Variants in PTPRT observed in about 807,000 individuals in gnomAD.
PTPRT encodes protein tyrosine phosphatase receptor type T.
In PTPRT, 56 loss-of-function variants were observed where a neutral mutation model predicts 176.8. That is an observed-to-expected ratio of 0.32 (90% CI 0.26 to 0.40). The LOEUF is 0.40. Among genes scored for constraint, PTPRT ranks in the 10% least tolerant of loss-of-function variants. PTPRT has a pLI of 1.00. For synonymous variants in PTPRT, 783 were observed against 739.0 expected, an observed-to-expected ratio of 1.06 and a Z score of -0.96; for missense variants, 1,540 against 1,908.2, an observed-to-expected ratio of 0.81 and a Z score of 3.60.
rs117573403 is a variant in PTPRT, at chr20:42,908,003, G to A, written c.89-22071C>T. 2.8e-3 allele frequency among the ~76,000 whole-genome samples: 419 copies of A among 152,192 alleles called. 1 individual carries two copies. Among genetic ancestry groups the A allele is most frequent in the Non-Finnish European group, 4.6e-3 (315 of 68,032 alleles). ...CCCACCAAGCATAAGAACCCTTCGG[G>A]AAGAGGTAACAGTCTGAAAGTCGGT... is the stretch of plus-strand genomic sequence containing the variant. On this transcript the variant is annotated intron_variant, in intron 1 of 30. Transcript: ENST00000373187.
chr20:42,190,550 C>T (rs991528744), intron 16 of PTPRT, among the ~76,000 whole-genome samples: 1 of 152,166 alleles, frequency 6.6e-6, no homozygotes, highest in Admixed American at 6.5e-5. Context: ...GGGCTTGAGT[C>T]TGACAGTCCT....
chr20:42,156,391 C>T (rs1468845669), intron 17 of PTPRT, among the ~76,000 whole-genome samples: 1 of 152,184 alleles, frequency 6.6e-6, no homozygotes, highest in African/African-American at 2.4e-5. Flanking sequence ...TCTGAAAGGC[C>T]TGGTCCTAGG....
chr20:42,111,269 G>A lies in PTPRT; in HGVS notation c.3100-782C>T, dbSNP rs79877040. 2.7e-3 allele frequency among the ~76,000 whole-genome samples: 405 copies of A among 151,996 alleles called. 2 individuals carry two copies. The highest frequency in any genetic ancestry group is 9.2e-3 in the African/African-American group (379 of 41,376). ...CTTAGCAATCTCCTGCAGATACCCAGAGAACACTGAATAGGAAGAGTCTGT... is the reference window on the plus strand; with the variant it reads ...CTTAGCAATCTCCTGCAGATACCCAAAGAACACTGAATAGGAAGAGTCTGT... On this transcript the variant is annotated intron_variant, in intron 22 of 30. Transcript: ENST00000373187.
chr20:42,361,938 G>T (rs748700565), intron 9 of PTPRT, among the ~76,000 whole-genome samples: 2 of 152,158 alleles, frequency 1.3e-5, no homozygotes, highest in Non-Finnish European at 2.9e-5. Flanking sequence ...TTCTTAAAGA[G>T]CATCGGCAAT....
At position 42,982,366 on chromosome 20, in the gene PTPRT, T is replaced by C. The variant is rs182116714; in HGVS notation, c.89-96434A>G. 4.5e-3 allele frequency among the ~76,000 whole-genome samples: 678 copies of C among 152,246 alleles called. 5 individuals carry two copies. The highest frequency in any genetic ancestry group is 0.015 in the African/African-American group (640 of 41,544). ...TAATAGAGTAAACAAACAAGTAACA[T>C]AATTATATCATGTGATAAAGATTAT... On this transcript the variant is annotated intron_variant, in intron 1 of 30. Coordinates refer to ENST00000373187, the MANE Select transcript of PTPRT (RefSeq NM_007050.6).
At chr20:42,430,482 C>A (rs1198808690) in intron 9 of PTPRT, among the ~76,000 whole-genome samples, 4 of 152,188 alleles carry the variant, frequency 2.6e-5, no homozygotes, top group Non-Finnish European at 4.4e-5. Flanking sequence ...CAGAAGAACA[C>A]AGAGAGGTTC....
chr20:42,906,330 C>T, intron 1 of PTPRT, among the ~76,000 whole-genome samples: 1 of 152,192 alleles, frequency 6.6e-6, no homozygotes, highest in East Asian at 1.9e-4. Flanking sequence ...GGGAGCACAG[C>T]CGCTGAGTGG....
At chr20:42,904,236 C>A (rs1178875686) in intron 1 of PTPRT, among the ~76,000 whole-genome samples, 2 of 152,152 alleles carry the variant, frequency 1.3e-5, no homozygotes, top group Non-Finnish European at 2.9e-5. Flanking sequence ...ATGAGAGCAG[C>A]CTCTGCCAAC....
At chr20:42,874,823 GT>G (rs2078903995) in intron 2 of PTPRT, among the ~76,000 whole-genome samples, 1 of 152,186 alleles carries the variant, frequency 6.6e-6, no homozygotes, top group African/African-American at 2.4e-5. Flanking sequence ...CACATGTTAG[GT>G]TAAAAGACAT....
chr20:42,214,778 G>A (rs1396015929), intron 15 of PTPRT, among the ~76,000 whole-genome samples: 1 of 152,202 alleles, frequency 6.6e-6, no homozygotes, highest in Non-Finnish European at 1.5e-5. Context: ...CGAAACACAG[G>A]TGAGGCCCTC....
intron 3 of PTPRT, among the ~76,000 whole-genome samples, chr20:42,784,714 A>G (rs2077263908): frequency 6.6e-6 from 1 of 150,876 alleles, no homozygotes; most frequent in Admixed American, 6.7e-5. Flanking sequence ...CCTTAATTTC[A>G]GGGGCCTATA....
chr20:42,263,176 C>A (rs1024040455), intron 13 of PTPRT, among the ~76,000 whole-genome samples: 2 of 152,050 alleles, frequency 1.3e-5, no homozygotes, highest in African/African-American at 4.8e-5. Flanking sequence ...ACAAGGGGAG[C>A]CCTGGGAGCA....
intron 1 of PTPRT, among the ~76,000 whole-genome samples, chr20:43,035,152 G>A (rs1310866367): frequency 6.6e-6 from 1 of 152,102 alleles, no homozygotes; most frequent in Admixed American, 6.6e-5. Context: ...GCCCCTCGTA[G>A]TGCCCCAGCC....
chr20:42,900,908 C>G (rs1271887098), intron 1 of PTPRT, among the ~76,000 whole-genome samples: 1 of 152,142 alleles, frequency 6.6e-6, no homozygotes, highest in East Asian at 1.9e-4. Context: ...GCATAAAACC[C>G]CTCGTGGCCT....
chr20:42,758,795 G>A (rs534776370), intron 5 of PTPRT, among the ~76,000 whole-genome samples: 3 of 152,174 alleles, frequency 2.0e-5, no homozygotes, highest in Non-Finnish European at 4.4e-5. Context: ...ATGCAGACTT[G>A]AGCAGGCAAT....
At chr20:42,760,267 C>T (rs2076895692) in intron 5 of PTPRT, among the ~76,000 whole-genome samples, 1 of 152,102 alleles carries the variant, frequency 6.6e-6, no homozygotes. Context: ...AGCATGCATT[C>T]CACTTGGCAC....
intron 1 of PTPRT, among the ~76,000 whole-genome samples, chr20:42,999,162 T>A (rs2146124547): frequency 6.6e-6 from 1 of 152,118 alleles, no homozygotes; most frequent in East Asian, 1.9e-4. Flanking sequence ...TGAAGAATAT[T>A]TAGCCACATA....
chr20:42,226,663 G>C (rs1327048864), intron 15 of PTPRT, among the ~76,000 whole-genome samples: 4 of 152,158 alleles, frequency 2.6e-5, no homozygotes, highest in Admixed American at 1.3e-4. Context: ...CTTCCCATTT[G>C]GGGGATGCTT....
At chr20:43,117,809 G>A (rs114416131) in intron 1 of PTPRT, among the ~76,000 whole-genome samples, 3,789 of 152,226 alleles carry the variant, frequency 0.025, 171 homozygotes, top group African/African-American at 0.087. Context: ...TAGATAGGAA[G>A]CAATTCGCTC....
Sources: gnomAD v4.1 joint callset for allele counts (sites outside exome capture counted in the v4.1 genomes callset) on GRCh38, gnomAD v4.1.1 for gene constraint, MANE v1.5 for transcripts, NCBI Gene and HGNC (gene_info 2026-07-23, HGNC 2026-07-21) for gene names.